Variants in VAT1L observed in about 807,000 individuals in gnomAD.
The protein encoded by VAT1L is putative NADPH-dependent quinone oxidoreductase VAT1L.
VAT1L carries 34 observed loss-of-function variants against 44.1 expected under a neutral mutation model. The ratio of observed to expected loss-of-function variants is 0.77; its 90% CI spans 0.59 to 1.03. The LOEUF is 1.03. VAT1L is among the 50% of genes least tolerant of loss of function. The pLI, the probability that VAT1L is intolerant of heterozygous loss-of-function variation, is 0.00. For missense variants in VAT1L, 615 were observed against 538.8 expected (o/e 1.14, Z -1.40); for synonymous variants, 253 against 202.2 (o/e 1.25, Z -2.13).
intron 8 of VAT1L, among the ~76,000 whole-genome samples, chr16:77,975,589 T>C (rs933419624): frequency 6.6e-6 from 1 of 152,098 alleles, no homozygotes; most frequent in Non-Finnish European, 1.5e-5. Context: ...TCCTCTAGAA[T>C]AGTCTGGGCT....
chr16:77,960,910 G>A (rs2018153599), intron 7 of VAT1L, among the ~76,000 whole-genome samples: 1 of 152,024 alleles, frequency 6.6e-6, no homozygotes, highest in Non-Finnish European at 1.5e-5. Flanking sequence ...TTCCCCATGG[G>A]TCACGCGCTG....
chr16:77,941,751 T>A (rs1480586145), intron 7 of VAT1L, among the ~76,000 whole-genome samples: 2 of 152,084 alleles, frequency 1.3e-5, no homozygotes, highest in Non-Finnish European at 2.9e-5. Flanking sequence ...CAAGCCTGGC[T>A]GATTTTTTTG....
chr16:77,795,925 A>C (rs2015925666), intron 1 of VAT1L, among the ~76,000 whole-genome samples: 1 of 146,160 alleles, frequency 6.8e-6, no homozygotes, highest in Admixed American at 7.1e-5. Context: ...TACCAAGTTC[A>C]AGCGATTCTC....
chr16:77,835,081 C>T (rs1452320191), intron 3 of VAT1L, among the ~76,000 whole-genome samples: 1 of 152,172 alleles, frequency 6.6e-6, no homozygotes, highest in African/African-American at 2.4e-5. Flanking sequence ...CTATAAGCCC[C>T]TCCATCAAAG....
chr16:77,918,166 T>C (rs1191647087), intron 7 of VAT1L, among the ~76,000 whole-genome samples: 2 of 152,134 alleles, frequency 1.3e-5, no homozygotes, highest in Non-Finnish European at 2.9e-5. Flanking sequence ...AAACTGGAAG[T>C]TTCTCTCACT....
chr16:77,929,773 G>T (rs147466227), intron 7 of VAT1L, among the ~76,000 whole-genome samples: 12 of 152,168 alleles, frequency 7.9e-5, no homozygotes, highest in Non-Finnish European at 1.8e-4. Context: ...ACATTTACAG[G>T]TTAAGCAAAC....
At chr16:77,870,238 C>T (rs572326032) in intron 4 of VAT1L, among the ~76,000 whole-genome samples, 6 of 152,286 alleles carry the variant, frequency 3.9e-5, no homozygotes, top group South Asian at 4.1e-4. Flanking sequence ...AAGCCTATCG[C>T]GTACCAGGCA....
rs1203749819 is a variant in VAT1L at position 77,884,186 on chromosome 16, C to A, written c.883-422C>A. ...AGATGCTTTTAAAAAAAATACACCACTGTCCAAGGCGGGTGGATCACGAGG... is the reference window on the plus strand; with the variant it reads ...AGATGCTTTTAAAAAAAATACACCAATGTCCAAGGCGGGTGGATCACGAGG... On this transcript the variant is annotated intron_variant, in intron 6 of 8. Transcript: ENST00000302536. The surrounding 1 kb of genome is among the most constrained non-coding windows in gnomAD (Gnocchi z 4.5). Among the ~76,000 whole-genome samples, 1 of 152,058 alleles carries A rather than the reference C, an allele frequency of 6.6e-6. No homozygotes were observed.
intron 4 of VAT1L, among the ~76,000 whole-genome samples, chr16:77,872,009 T>TG (rs1159608143): frequency 6.6e-6 from 1 of 152,196 alleles, no homozygotes; most frequent in East Asian, 1.9e-4. Flanking sequence ...GAGCTTACCA[T>TG]GAACTGGGCT....
chr16:77,932,534 T>A (rs1217367998), intron 7 of VAT1L, among the ~76,000 whole-genome samples: 1 of 152,230 alleles, frequency 6.6e-6, no homozygotes. Flanking sequence ...TTTCTTCATA[T>A]CTCACTGAAT....
chr16:77,824,862 C>CTTTT lies in VAT1L; in HGVS notation c.364-366_364-363dup, dbSNP rs756573336. 3.0e-3 allele frequency among the ~76,000 whole-genome samples: 224 copies of CTTTT among 75,502 alleles called. 6 individuals are homozygous for CTTTT. Among genetic ancestry groups the CTTTT allele is most frequent in the Middle Eastern group, 0.011 (1 of 90 alleles). 49.5% of individuals were successfully genotyped at this position (75,502 alleles called of 152,430 possible). A position where few individuals can be genotyped will look rare whatever the true frequency, so the allele number is the denominator to read the frequency against. On this transcript the variant is annotated intron_variant, in intron 2 of 8. Transcript: ENST00000302536. ...GTACCGTGGATAGCTCCCAATAATG[C>CTTTT]TTTTTTTTTTTTTTTTTTTTTGGAG...
chr16:77,829,864 C>T (rs1215624653), intron 3 of VAT1L, among the ~76,000 whole-genome samples: 1 of 152,168 alleles, frequency 6.6e-6, no homozygotes. Flanking sequence ...TTTCAGAGTC[C>T]TCTTACCTTT....
At chr16:77,946,990 GT>G (rs1225424824) in intron 7 of VAT1L, among the ~76,000 whole-genome samples, 1 of 152,158 alleles carries the variant, frequency 6.6e-6, no homozygotes, top group African/African-American at 2.4e-5. Context: ...TGTTGAGCCT[GT>G]TTTTATCTCG....
At chr16:77,911,426 A>T (rs546363686) in intron 7 of VAT1L, among the ~76,000 whole-genome samples, 2 of 152,204 alleles carry the variant, frequency 1.3e-5, no homozygotes, top group East Asian at 3.9e-4. Flanking sequence ...TCTTAAATTC[A>T]TAAAAACAGG....
At chr16:77,809,269 G>A (rs1320874423) in intron 1 of VAT1L, among the ~76,000 whole-genome samples, 5 of 152,192 alleles carry the variant, frequency 3.3e-5, no homozygotes, top group Admixed American at 2.6e-4. Context: ...CACCATGCCT[G>A]ATACATAGAA....
At chr16:77,871,592 T>A (rs1225354303) in intron 4 of VAT1L, among the ~76,000 whole-genome samples, 1 of 152,084 alleles carries the variant, frequency 6.6e-6, no homozygotes, top group East Asian at 1.9e-4. Context: ...GTCTTCCCAC[T>A]CTATGCAGTG....
intron 3 of VAT1L, 141 bp from the exon 4 acceptor site, chr16:77,862,607 A>G: frequency 3.6e-6 from 3 of 836,498 alleles, no homozygotes; most frequent in Middle Eastern, 7.5e-4. Flanking sequence ...TGAGTGACAG[A>G]GTGAGACTCC....
chr16:77,917,997 A>G (rs774281925), intron 7 of VAT1L, among the ~76,000 whole-genome samples: 14 of 152,174 alleles, frequency 9.2e-5, no homozygotes, highest in Non-Finnish European at 1.8e-4. Context: ...TCGTCCCCCA[A>G]CTAGGCAGGG....
At chr16:77,858,756 G>T (rs1016452199) in intron 3 of VAT1L, among the ~76,000 whole-genome samples, 46 of 151,994 alleles carry the variant, frequency 3.0e-4, no homozygotes, top group African/African-American at 1.1e-3. Context: ...TAATCCTAGT[G>T]GTTTGGGAAG....
Sources: gnomAD v4.1 joint callset for allele counts (sites outside exome capture counted in the v4.1 genomes callset) on GRCh38, gnomAD v4.1.1 for gene constraint, Gnocchi (gnomAD v3.1) non-coding constraint, MANE v1.5 for transcripts, NCBI Gene and HGNC (gene_info 2026-07-23, HGNC 2026-07-21) for gene names.